The following GLI3 variants were observed in gnomAD, a reference collection of about 807,000 sequenced individuals.
GLI3 encodes GLI family zinc finger 3.
Under a neutral mutation model 100.8 loss-of-function variants are expected in GLI3, and 20 were observed. That is an observed-to-expected ratio of 0.20 (90% confidence interval 0.14 to 0.29). The LOEUF is 0.29. Ranked by LOEUF, GLI3 falls within the 10% of genes least tolerant of loss-of-function variation. The pLI is 1.00. For synonymous variants in GLI3, 938 were observed against 860.5 expected, an observed-to-expected ratio of 1.09 and a Z score of -1.58; for missense variants, 2,040 against 2,128.5, an observed-to-expected ratio of 0.96 and a Z score of 0.82.
At chr7:42,126,117 T>A (rs962598827) in intron 3 of GLI3, among the ~76,000 whole-genome samples, 2 of 152,190 alleles carry the variant, frequency 1.3e-5, no homozygotes, top group Admixed American at 6.5e-5. Context: ...GAAACCTGAA[T>A]GGTAAAACAG....
intron 1 of GLI3, among the ~76,000 whole-genome samples, chr7:42,245,896 G>A (rs1181583483): frequency 1.1e-4 from 8 of 71,352 alleles, no homozygotes; most frequent in Non-Finnish European, 1.2e-4. Flanking sequence ...AGAGAAAAAA[G>A]AAAGAAAAGG....
At chr7:42,174,098 G>C (rs947172612) in intron 2 of GLI3, among the ~76,000 whole-genome samples, 8 of 151,878 alleles carry the variant, frequency 5.3e-5, no homozygotes, top group African/African-American at 1.7e-4. Flanking sequence ...TATTCCATAG[G>C]ATAAAAGACT....
At chr7:42,212,107 C>T (rs781091274) in intron 2 of GLI3, among the ~76,000 whole-genome samples, 1 of 152,192 alleles carries the variant, frequency 6.6e-6, no homozygotes, top group African/African-American at 2.4e-5. Flanking sequence ...CTCTCTCCCT[C>T]TTGCTTTTTA....
intron 1 of GLI3, among the ~76,000 whole-genome samples, chr7:42,249,783 A>G (rs1789013057): frequency 6.6e-6 from 1 of 151,946 alleles, no homozygotes; most frequent in Non-Finnish European, 1.5e-5. Context: ...ACACACACAC[A>G]CACACTTTTT....
At chr7:42,049,126 A>G (rs1784303804) in intron 4 of GLI3, among the ~76,000 whole-genome samples, 1 of 152,220 alleles carries the variant, frequency 6.6e-6, no homozygotes, top group African/African-American at 2.4e-5. Context: ...AAAAGAAAAG[A>G]AAAAAGAAAG....
rs1787392015 is a variant in GLI3, at chr7:41,972,506, T to C, written c.1934A>G (p.Asp645Gly). 1.2e-6 allele frequency: 2 copies of C among 1,613,198 alleles called. No individual in the cohort carries two copies. The highest frequency in any genetic ancestry group is 3.3e-5 in the Admixed American group (2 of 59,962). Residue 645 changes from aspartate to glycine, a missense_variant, in exon 13 of 15, where the codon GAC (aspartate) becomes GGC (glycine). Coordinates refer to ENST00000395925, the MANE Select transcript of GLI3 (RefSeq NM_000168.6). This position sits in a 1 kb window ranked among gnomAD's most constrained non-coding sequence, Gnocchi z 4.4. ...EAHVTKKQRGDIHPRPPPPRD... is the reference protein window; with the variant it reads ...EAHVTKKQRGGIHPRPPPPRD... Reference sequence around the variant, plus strand: ...CGGGGGTGGCGGCCGAGGATGGATGTCCCCTCGCTGCTTCTTGGTGACATG... The same window carrying C: ...CGGGGGTGGCGGCCGAGGATGGATGCCCCCTCGCTGCTTCTTGGTGACATG...
At chr7:42,028,956 T>C (rs116611907) in intron 7 of GLI3, among the ~76,000 whole-genome samples, 174 of 152,242 alleles carry the variant, frequency 1.1e-3, no homozygotes, top group African/African-American at 4.1e-3. Flanking sequence ...CATATCCCCA[T>C]TCAGGGCCTC....
chr7:42,078,809 G>A (rs1374691188), intron 3 of GLI3, among the ~76,000 whole-genome samples: 1 of 144,748 alleles, frequency 6.9e-6, no homozygotes, highest in African/African-American at 2.6e-5. Context: ...GGCTCACTGT[G>A]AGCTCCACCT....
chr7:42,147,159 G>A (rs925426161), intron 3 of GLI3, among the ~76,000 whole-genome samples: 1 of 152,126 alleles, frequency 6.6e-6, no homozygotes, highest in East Asian at 1.9e-4. Flanking sequence ...AAGGTTATGC[G>A]AGGCCCTTTG....
chr7:42,153,322 G>C (rs1024991042), intron 2 of GLI3, among the ~76,000 whole-genome samples: 8 of 152,138 alleles, frequency 5.3e-5, no homozygotes, highest in African/African-American at 1.9e-4. Context: ...AGTGCATATA[G>C]CTCAATCCCT....
rs375685033 is a variant in GLI3, at chr7:42,040,024, A to G, written c.1028+14T>C. 11 of 1,590,436 alleles carry G rather than the reference A, an allele frequency of 6.9e-6. No individual in the cohort carries two copies. In the African/African-American group the frequency reaches 1.3e-4, roughly 19 times the overall value. On this transcript the variant is annotated intron_variant, in intron 7 of 14. Transcript: ENST00000395925. ...CATTTAAAAAACACATAATGGATTC[A>G]GGAAAATACATACCTGATTGCACTT...
intron 4 of GLI3, among the ~76,000 whole-genome samples, chr7:42,053,089 G>C (rs928695826): frequency 2.0e-5 from 3 of 152,196 alleles, no homozygotes; most frequent in African/African-American, 7.2e-5. Context: ...CCGCCCTCCA[G>C]GGTTCAAGCG....
chr7:42,007,021 C>T (rs1420909303), intron 10 of GLI3, among the ~76,000 whole-genome samples: 1 of 151,848 alleles, frequency 6.6e-6, no homozygotes, highest in African/African-American at 2.4e-5. Context: ...GAGGCTCTCC[C>T]AGGTGTTTTT....
intron 3 of GLI3, among the ~76,000 whole-genome samples, chr7:42,131,434 G>A (rs553488360): frequency 1.2e-4 from 19 of 152,308 alleles, no homozygotes; most frequent in Admixed American, 1.0e-3. Context: ...GCACTTGTTC[G>A]TAATGCTAGA....
intron 3 of GLI3, among the ~76,000 whole-genome samples, chr7:42,120,512 A>G (rs1201367755): frequency 6.6e-6 from 1 of 152,192 alleles, no homozygotes; most frequent in Non-Finnish European, 1.5e-5. Context: ...AATTGCATGT[A>G]TTTGCTTTCC....
chr7:42,213,450 T>G (rs1005526626), intron 2 of GLI3, among the ~76,000 whole-genome samples: 1 of 152,200 alleles, frequency 6.6e-6, no homozygotes, highest in South Asian at 2.1e-4. Context: ...GTTTCGTGAC[T>G]GGTGGTGAAA....
intron 2 of GLI3, among the ~76,000 whole-genome samples, chr7:42,155,682 A>C (rs1241522280): frequency 6.6e-6 from 1 of 152,106 alleles, no homozygotes; most frequent in African/African-American, 2.4e-5. Flanking sequence ...ATTCAACTTC[A>C]AAAGAGGTCC....
intron 10 of GLI3, among the ~76,000 whole-genome samples, chr7:41,995,815 C>A (rs1788109458): frequency 6.6e-6 from 1 of 152,170 alleles, no homozygotes; most frequent in South Asian, 2.1e-4. Context: ...TGCAGACATG[C>A]AGACACAAAC....
chr7:42,125,479 G>A (rs1279490682), intron 3 of GLI3, among the ~76,000 whole-genome samples: 2 of 152,106 alleles, frequency 1.3e-5, no homozygotes, highest in African/African-American at 4.8e-5. Context: ...CGGCTCCAGC[G>A]GACACCACTA....
Sources: gnomAD v4.1 joint callset for allele counts (sites outside exome capture counted in the v4.1 genomes callset) on GRCh38, gnomAD v4.1.1 for gene constraint, Gnocchi (gnomAD v3.1) non-coding constraint, MANE v1.5 for transcripts, NCBI Gene and HGNC (gene_info 2026-07-23, HGNC 2026-07-21) for gene names.